AUTS2: variants seen among roughly 807,000 people sequenced by gnomAD.
The protein encoded by AUTS2 is activator of transcription and developmental regulator AUTS2.
A neutral mutation model predicts 112.4 loss-of-function variants in AUTS2; 17 were observed. The ratio of observed to expected loss-of-function variants is 0.15; its 90% CI spans 0.10 to 0.23. The LOEUF is 0.23. AUTS2 is among the 10% of genes least tolerant of loss of function. The probability of loss-of-function intolerance (pLI) is 1.00; values close to 1 mark genes in which losing one functional copy is unlikely to be tolerated. For missense variants in AUTS2, 1,510 were observed against 1,701.6 expected, an observed-to-expected ratio of 0.89 and a Z score of 1.98; for synonymous variants, 751 against 702.7, an observed-to-expected ratio of 1.07 and a Z score of -1.09.
At chr7:69,734,102 C>G (rs779306657) in intron 1 of AUTS2, among the ~76,000 whole-genome samples, 2 of 152,140 alleles carry the variant, frequency 1.3e-5, no homozygotes, top group Admixed American at 1.3e-4. Flanking sequence ...CTTAATTACT[C>G]TGAATCCGTC....
At chr7:70,225,547 G>A (rs1233795919) in intron 4 of AUTS2, among the ~76,000 whole-genome samples, 3 of 152,134 alleles carry the variant, frequency 2.0e-5, no homozygotes, top group African/African-American at 4.8e-5. Context: ...TCTACAAGAT[G>A]GCTGCCACTT....
At chr7:70,515,714 C>A (rs1799387972) in intron 5 of AUTS2, among the ~76,000 whole-genome samples, 1 of 151,388 alleles carries the variant, frequency 6.6e-6, no homozygotes, top group Admixed American at 6.6e-5. Context: ...TCTCTTTTCT[C>A]TTTTTTTTTA....
intron 2 of AUTS2, among the ~76,000 whole-genome samples, chr7:70,035,437 AGAG>A (rs915402703): frequency 2.6e-5 from 4 of 152,230 alleles, no homozygotes; most frequent in African/African-American, 9.6e-5. Flanking sequence ...GATGCCTGAA[AGAG>A]GAGGAGTGGA....
At chr7:70,054,193 C>T (rs1466346709) in intron 2 of AUTS2, among the ~76,000 whole-genome samples, 2 of 152,094 alleles carry the variant, frequency 1.3e-5, no homozygotes, top group African/African-American at 4.8e-5. Flanking sequence ...TTTGCATAGC[C>T]ATGTGTAGCC....
At chr7:69,921,327 GTT>G (rs11289784) in intron 2 of AUTS2, among the ~76,000 whole-genome samples, 6,731 of 90,482 alleles carry the variant, frequency 0.074, 457 homozygotes, top group African/African-American at 0.2. Flanking sequence ...TAGACTTGAA[GTT>G]TTTTTTTTTT....
intron 5 of AUTS2, among the ~76,000 whole-genome samples, chr7:70,523,096 TCTC>T (rs1799706499): frequency 6.6e-6 from 1 of 152,206 alleles, no homozygotes; most frequent in Non-Finnish European, 1.5e-5. Flanking sequence ...AACAACATGT[TCTC>T]CTCAAATGCA....
chr7:70,700,828 C>T (rs1406325107), intron 6 of AUTS2, among the ~76,000 whole-genome samples: 1 of 152,166 alleles, frequency 6.6e-6, no homozygotes, highest in Non-Finnish European at 1.5e-5. Context: ...ACAAGGCCTT[C>T]AAGGAACTGT....
At position 69,617,094 on chromosome 7, in the gene AUTS2, G is replaced by A. The variant is rs186012634; in HGVS notation, c.309+17132G>A. ...TATATAATATGTTGGGAGGTGACAG[G>A]GGATTTTATAAAGCAGGGTAAAGCA... is the stretch of plus-strand genomic sequence containing the variant. On this transcript the variant is annotated intron_variant, in intron 1 of 18. Transcript: ENST00000342771. Among the ~76,000 whole-genome samples the A allele has an allele frequency of 8.5e-5, 13 of 152,190 alleles. No individual in the cohort carries two copies. The East Asian group carries it at 2.5e-3, about 29-fold the overall frequency.
chr7:70,681,818 A>G (rs1049766672), intron 5 of AUTS2, among the ~76,000 whole-genome samples: 2 of 152,202 alleles, frequency 1.3e-5, no homozygotes, highest in African/African-American at 4.8e-5. Flanking sequence ...CTCCTCTCCC[A>G]GCAGATCCAA....
intron 1 of AUTS2, among the ~76,000 whole-genome samples, chr7:69,896,637 T>C (rs1212999739): frequency 3.9e-5 from 6 of 152,100 alleles, no homozygotes; most frequent in African/African-American, 7.2e-5. Context: ...GCTTTATAGG[T>C]TTGGATGTTT....
intron 14 of AUTS2, among the ~76,000 whole-genome samples, chr7:70,778,217 T>A (rs1040453021): frequency 8.5e-5 from 13 of 152,200 alleles, no homozygotes; most frequent in African/African-American, 3.1e-4. Context: ...ACAAAGTAAC[T>A]GACAAGTCTG....
chr7:70,621,825 G>A (rs1804687711), intron 5 of AUTS2, among the ~76,000 whole-genome samples: 1 of 137,976 alleles, frequency 7.2e-6, no homozygotes, highest in Non-Finnish European at 1.5e-5. Context: ...TTACGTTAGT[G>A]CATAGTCATT....
At chr7:70,526,448 G>C (rs1430985322) in intron 5 of AUTS2, among the ~76,000 whole-genome samples, 1 of 152,170 alleles carries the variant, frequency 6.6e-6, no homozygotes, top group African/African-American at 2.4e-5. Context: ...AAGGCGGGCA[G>C]ATCATTTGAG....
intron 5 of AUTS2, among the ~76,000 whole-genome samples, chr7:70,624,757 C>T (rs949665950): frequency 3.9e-5 from 6 of 152,238 alleles, no homozygotes; most frequent in Non-Finnish European, 7.3e-5. Context: ...AAGAGGGTCA[C>T]CTCTCAGATT....
chr7:70,147,117 G>C (rs1347007950), intron 4 of AUTS2, among the ~76,000 whole-genome samples: 1 of 151,972 alleles, frequency 6.6e-6, no homozygotes, highest in East Asian at 1.9e-4. Context: ...AGCTGCTTGG[G>C]AGGCTGAGTT....
chr7:69,630,182 T>C (rs1794162602), intron 1 of AUTS2, among the ~76,000 whole-genome samples: 1 of 152,108 alleles, frequency 6.6e-6, no homozygotes, highest in South Asian at 2.1e-4. Context: ...GCTTGAACTC[T>C]GGAGGCGGAG....
At chr7:69,912,890 C>A (rs1005364161) in intron 2 of AUTS2, among the ~76,000 whole-genome samples, 1 of 152,222 alleles carries the variant, frequency 6.6e-6, no homozygotes, top group Admixed American at 6.5e-5. Flanking sequence ...TTAGATTTAT[C>A]ATCTCTAGAT....
At chr7:70,590,326 G>A (rs1301145551) in intron 5 of AUTS2, among the ~76,000 whole-genome samples, 2 of 152,252 alleles carry the variant, frequency 1.3e-5, no homozygotes, top group South Asian at 2.1e-4. Context: ...AGGTTGAAGC[G>A]ATTTGCCAAG....
Position 69,626,925 on chromosome 7 carries a change from G to A in AUTS2, c.309+26963G>A, listed in dbSNP as rs972644056. ...GTAATTAATGAAATGTATTGCCTGAGCAGAGAAAATAAGATTAGTTTTGTT... is the reference window on the plus strand; with the variant it reads ...GTAATTAATGAAATGTATTGCCTGAACAGAGAAAATAAGATTAGTTTTGTT... On this transcript the variant is annotated intron_variant, in intron 1 of 18. Coordinates refer to ENST00000342771, the MANE Select transcript of AUTS2 (RefSeq NM_015570.4). Among the ~76,000 whole-genome samples, 43 of 152,302 alleles carry A rather than the reference G, an allele frequency of 2.8e-4. 1 individual carries two copies. Among genetic ancestry groups the A allele is most frequent in the Admixed American group, 2.3e-3 (35 of 15,300 alleles).
Sources: allele counts gnomAD v4.1 joint callset (sites outside exome capture counted in the v4.1 genomes callset), GRCh38; gene constraint gnomAD v4.1.1; transcripts MANE v1.5; gene names NCBI Gene and HGNC (gene_info 2026-07-23, HGNC 2026-07-21).